MFSD1: variants seen among roughly 807,000 people sequenced by gnomAD.
The protein encoded by MFSD1 is major facilitator superfamily domain containing 1.
Under a neutral mutation model 67.1 loss-of-function variants are expected in MFSD1, and 59 were observed. That is an observed-to-expected ratio of 0.88 (90% CI 0.71 to 1.09). The LOEUF is 1.09. MFSD1 is among the 50% of genes least tolerant of loss of function. The pLI, the probability that MFSD1 is intolerant of heterozygous loss-of-function variation, is 0.00. For synonymous variants in MFSD1, 213 were observed against 200.3 expected (o/e 1.06, Z -0.54); for missense variants, 552 against 566.1 (o/e 0.97, Z 0.25).
rs776684225 is a variant in MFSD1, at chr3:158,820,309, T to C, written c.846T>C (p.Pro282=). Reference sequence around the variant, plus strand: ...TCTGCTATTATGTTGCTGTGTTCCCTTTTATTGGACTTGGGAAGTGAGTAT... The same window carrying C: ...TCTGCTATTATGTTGCTGTGTTCCCCTTTATTGGACTTGGGAAGTGAGTAT... ...ICVCYYVAVF[P]FIGLGKVFFT... is the part of the protein sequence containing the mutation. The change falls in exon 9 of 16, where the codon CCT becomes CCC. Residue 282 remains proline, a synonymous_variant. Coordinates refer to ENST00000415822, the MANE Select transcript of MFSD1 (RefSeq NM_022736.4). The C allele has an allele frequency of 1.1e-5, 18 of 1,606,594 alleles. No individual in the cohort carries two copies. The Admixed American group carries it at 1.7e-4, about 15-fold the overall frequency.
intron 4 of MFSD1, 76 bp from the exon 5 acceptor site, chr3:158,807,320 A>G (rs1559915395): frequency 8.5e-7 from 1 of 1,182,766 alleles, no homozygotes. Flanking sequence ...GTTGAGATTT[A>G]TCATGTTCCT....
intron 7 of MFSD1, among the ~76,000 whole-genome samples, chr3:158,817,572 A>G (rs1351581045): frequency 6.6e-6 from 1 of 152,202 alleles, no homozygotes; most frequent in Non-Finnish European, 1.5e-5. Context: ...AAGGAGAACT[A>G]CAAACCACTG....
Position 158,804,163 on chromosome 3 carries a change from T to C in MFSD1, c.164-156T>C, listed in dbSNP as rs184680899. The C allele has an allele frequency of 7.1e-6, 4 of 559,578 alleles. No homozygotes were observed. The Admixed American group carries it at 1.4e-4, about 20-fold the overall frequency. 34.7% of individuals were successfully genotyped at this position (559,578 alleles called of 1,614,324 possible). A position where few individuals can be genotyped will look rare whatever the true frequency, so the allele number is the denominator to read the frequency against. On this transcript the variant is annotated intron_variant, in intron 1 of 15. Coordinates refer to ENST00000415822, the MANE Select transcript of MFSD1 (RefSeq NM_022736.4). Reference sequence around the variant, plus strand: ...ATTTATGGAAGTTATTTGATATAACTTAGAAAATACTGGTGGATAAGGAAG... The same window carrying C: ...ATTTATGGAAGTTATTTGATATAACCTAGAAAATACTGGTGGATAAGGAAG...
chr3:158,807,637 C>A (rs960860557), intron 5 of MFSD1, among the ~76,000 whole-genome samples, 174 bp downstream of exon 5: 4 of 152,154 alleles, frequency 2.6e-5, no homozygotes, highest in African/African-American at 9.7e-5. Context: ...AAATAAGCAA[C>A]AATTTTGAAT....
chr3:158,811,891 C>G (rs1445575752), intron 6 of MFSD1, among the ~76,000 whole-genome samples: 1 of 152,170 alleles, frequency 6.6e-6, no homozygotes, highest in Admixed American at 6.5e-5. Flanking sequence ...ATAAATTCCT[C>G]AAAGATAGGA....
At chr3:158,819,963 A>G (rs559656148) in intron 8 of MFSD1, among the ~76,000 whole-genome samples, 6 of 152,292 alleles carry the variant, frequency 3.9e-5, no homozygotes, top group African/African-American at 9.6e-5. Flanking sequence ...TCTCGATTGT[A>G]TATTTGCAAA....
In MFSD1 at chr3:158,802,096, T is replaced by C. The variant is rs770818904; in HGVS notation, c.-57T>C. ...CTTGACAGTGTTCCACGGGCGCTGCTTCCTGCCTGGGTTTGGAGTTGTCAC... is the reference window on the plus strand; with the variant it reads ...CTTGACAGTGTTCCACGGGCGCTGCCTCCTGCCTGGGTTTGGAGTTGTCAC... On this transcript the variant is annotated 5_prime_UTR_variant, in exon 1 of 16. Transcript: ENST00000415822. 6.9e-6 allele frequency: 11 copies of C among 1,594,014 alleles called. No individual in the cohort carries two copies. Among genetic ancestry groups the C allele is most frequent in the South Asian group, 1.1e-5 (1 of 88,548 alleles).
chr3:158,826,169 C>T, intron 14 of MFSD1, 107 bp downstream of exon 14: 1 of 771,708 alleles, frequency 1.3e-6, no homozygotes, highest in Non-Finnish European at 2.2e-6. Context: ...GCAGTAATGA[C>T]TTTCTGTTCA....
At chr3:158,820,872 A>G (rs1350974738) in intron 9 of MFSD1, among the ~76,000 whole-genome samples, 1 of 152,226 alleles carries the variant, frequency 6.6e-6, no homozygotes, top group African/African-American at 2.4e-5. Context: ...GGGGATTACA[A>G]TTCAAGATGA....
intron 8 of MFSD1, 30 bp downstream of exon 8, chr3:158,819,777 G>C: frequency 2.4e-6 from 3 of 1,268,924 alleles, no homozygotes; most frequent in Non-Finnish European, 3.4e-6. Context: ...TGGGACTTAG[G>C]GGAATTACGG....
chr3:158,815,882 C>A (rs56857471), intron 7 of MFSD1, among the ~76,000 whole-genome samples: 16,306 of 150,204 alleles, frequency 0.11, 919 homozygotes, highest in East Asian at 0.19. Context: ...CAATTCCCAT[C>A]TATGAGTGAG....
chr3:158,824,973 A>G (rs1343000498), intron 13 of MFSD1, among the ~76,000 whole-genome samples: 1 of 152,202 alleles, frequency 6.6e-6, no homozygotes, highest in Non-Finnish European at 1.5e-5. Flanking sequence ...AAGGACGTCA[A>G]GTTTTAAAAA....
Position 158,809,270 on chromosome 3 carries a change from C to G in MFSD1, c.532C>G (p.Leu178Val). 6.2e-7 allele frequency: 1 copy of G among 1,602,162 alleles called. No homozygotes were observed. The highest frequency in any genetic ancestry group is 8.5e-7 in the Non-Finnish European group (1 of 1,174,800). The change falls in exon 6 of 16, where the codon CTT becomes GTT. Residue 178 changes from leucine (L) to valine (V), a missense_variant. Leu to Val is a conservative substitution (Grantham distance 32, BLOSUM62 1). Coordinates refer to ENST00000415822, the MANE Select transcript of MFSD1 (RefSeq NM_022736.4). ...KELNLVFGLQ[L>V]SMARIGSTVN... is the part of the protein sequence containing the mutation. ...ATTAAACCTGGTGTTTGGACTTCAA[C>G]TTAGCATGGCTAGAATTGTAAGTAT...
chr3:158,814,773 G>A (rs1044170332), intron 7 of MFSD1, among the ~76,000 whole-genome samples: 1 of 152,160 alleles, frequency 6.6e-6, no homozygotes. Context: ...AATTTATTCA[G>A]GTAAGATGTT....
intron 5 of MFSD1, 22 bp from the exon 6 acceptor site, chr3:158,809,157 T>TG (rs1729870779): frequency 6.5e-7 from 1 of 1,529,452 alleles, no homozygotes; most frequent in Non-Finnish European, 8.8e-7. Flanking sequence ...CTTCTGGTTT[T>TG]TTTTTTTTTT....
At chr3:158,803,508 A>C (rs567053516) in intron 1 of MFSD1, among the ~76,000 whole-genome samples, 22 of 152,218 alleles carry the variant, frequency 1.4e-4, no homozygotes, top group African/African-American at 5.3e-4. Flanking sequence ...AATGGTCCCC[A>C]CTCAAGCAGA....
intron 9 of MFSD1, among the ~76,000 whole-genome samples, chr3:158,820,604 G>T (rs753777263): frequency 4.6e-5 from 7 of 152,194 alleles, no homozygotes; most frequent in Non-Finnish European, 1.0e-4. Flanking sequence ...AAAGGAAAAA[G>T]ATTTAATTGA....
chr3:158,817,653 TCATGAAAATGGCCA>T, intron 7 of MFSD1, among the ~76,000 whole-genome samples: 1 of 152,202 alleles, frequency 6.6e-6, no homozygotes, highest in East Asian at 1.9e-4. Context: ...AGAATCAATA[TCATGAAAATGGCCA>T]TACTGCCCAA....
At chr3:158,817,354 T>C (rs1475068031) in intron 7 of MFSD1, among the ~76,000 whole-genome samples, 1 of 152,050 alleles carries the variant, frequency 6.6e-6, no homozygotes, top group African/African-American at 2.4e-5. Flanking sequence ...AAAACCCCAT[T>C]GTCTCAGCCC....
Sources: gnomAD v4.1 joint callset for allele counts (sites outside exome capture counted in the v4.1 genomes callset) on GRCh38, gnomAD v4.1.1 for gene constraint, MANE v1.5 for transcripts, NCBI Gene and HGNC (gene_info 2026-07-23, HGNC 2026-07-21) for gene names.